CTNND2: variants seen among roughly 807,000 people sequenced by gnomAD.
CTNND2 encodes the protein catenin delta-2.
CTNND2 carries 22 observed loss-of-function variants against 144.4 expected under a neutral mutation model. The observed-to-expected ratio is 0.15, with a 90% CI of 0.11 to 0.22. The LOEUF is 0.22. Ranked by LOEUF, CTNND2 falls within the 10% of genes least tolerant of loss-of-function variation. The pLI is 1.00. For missense variants in CTNND2, 1,353 were observed against 1,618.8 expected (o/e 0.84, Z 2.82); for synonymous variants, 751 against 695.6 (o/e 1.08, Z -1.25).
chr5:11,385,068 C>T lies in CTNND2; in HGVS notation c.774G>A (p.Thr258=), dbSNP rs1758920290. Residue 258 remains threonine, a synonymous_variant, in exon 7 of 22, where the codon ACG becomes ACA. Coordinates refer to ENST00000304623, the MANE Select transcript of CTNND2 (RefSeq NM_001332.4). ...AGCCCCCGCGCGGCGGCGCGGGCAG[C>T]GTGGAGCTGGAGTAGTAGAGCGCGG... is the stretch of plus-strand genomic sequence containing the variant. ...AAAALYYSSS[T]LPAPPRGGSP... is the part of the protein sequence containing the mutation. The T allele has an allele frequency of 9.2e-7, 1 of 1,086,756 alleles. No individual in the cohort carries two copies. Among genetic ancestry groups the T allele is most frequent in the East Asian group, 6.7e-5 (1 of 14,850 alleles). 67.3% of individuals were successfully genotyped at this position (1,086,756 alleles called of 1,614,324 possible). A position where few individuals can be genotyped will look rare whatever the true frequency, so the allele number is the denominator to read the frequency against.
intron 15 of CTNND2, among the ~76,000 whole-genome samples, chr5:11,087,857 G>A (rs1472510297): frequency 6.6e-6 from 1 of 152,146 alleles, no homozygotes; most frequent in African/African-American, 2.4e-5. Flanking sequence ...AAATATTAAT[G>A]TACAGGCAAG....
At chr5:11,104,495 A>C (rs2149675407) in intron 14 of CTNND2, among the ~76,000 whole-genome samples, 1 of 152,290 alleles carries the variant, frequency 6.6e-6, no homozygotes, top group Middle Eastern at 3.4e-3. Context: ...CTTGCTTTGA[A>C]CAGCAGAGTT....
chr5:11,670,208 A>C (rs1389501088), intron 2 of CTNND2, among the ~76,000 whole-genome samples: 3 of 152,304 alleles, frequency 2.0e-5, no homozygotes, highest in East Asian at 3.9e-4. Flanking sequence ...TGTGGTGCTG[A>C]GAACAATGTA....
chr5:11,168,927 G>C (rs1026854187), intron 11 of CTNND2, among the ~76,000 whole-genome samples: 8 of 152,064 alleles, frequency 5.3e-5, no homozygotes, highest in African/African-American at 1.9e-4. Context: ...TTTTGGCCCT[G>C]GGTTAAACGA....
intron 3 of CTNND2, among the ~76,000 whole-genome samples, chr5:11,497,870 T>C (rs1319221797): frequency 6.6e-6 from 1 of 152,164 alleles, no homozygotes; most frequent in Admixed American, 6.5e-5. Context: ...CCACTGACTA[T>C]GGACTTTGCC....
At chr5:11,407,171 T>C (rs949322387) in intron 5 of CTNND2, among the ~76,000 whole-genome samples, 5 of 152,228 alleles carry the variant, frequency 3.3e-5, no homozygotes, top group Non-Finnish European at 7.3e-5. Flanking sequence ...TTATTCATTA[T>C]GTAGAAAGCT....
chr5:11,836,526 G>T (rs528038040), intron 1 of CTNND2, among the ~76,000 whole-genome samples: 92 of 147,270 alleles, frequency 6.2e-4, no homozygotes, highest in African/African-American at 2.3e-3. Context: ...ACTAAAAGGA[G>T]CCAAACTACC....
intron 11 of CTNND2, among the ~76,000 whole-genome samples, chr5:11,166,632 C>T (rs1237541557): frequency 6.6e-6 from 1 of 152,012 alleles, no homozygotes; most frequent in African/African-American, 2.4e-5. Context: ...GGGGCTGTCA[C>T]CACTACCTCC....
At chr5:11,129,364 A>T (rs1206371790) in intron 12 of CTNND2, among the ~76,000 whole-genome samples, 1 of 130,722 alleles carries the variant, frequency 7.6e-6, no homozygotes, top group Non-Finnish European at 1.6e-5. Flanking sequence ...GAGCATGTGG[A>T]AGGGCGTGAG....
intron 12 of CTNND2, among the ~76,000 whole-genome samples, chr5:11,130,260 C>CA (rs1348532731): frequency 7.6e-6 from 1 of 132,038 alleles, no homozygotes; most frequent in African/African-American, 2.9e-5. Flanking sequence ...TCATACCACA[C>CA]CCCCCCCATC....
chr5:11,584,247 G>A (rs1778654744), intron 2 of CTNND2, among the ~76,000 whole-genome samples: 1 of 152,114 alleles, frequency 6.6e-6, no homozygotes, highest in South Asian at 2.1e-4. Flanking sequence ...CTTCAGAGTT[G>A]CTCTCCTTGT....
chr5:11,572,942 G>T (rs889468414), intron 2 of CTNND2, among the ~76,000 whole-genome samples: 1 of 152,154 alleles, frequency 6.6e-6, no homozygotes, highest in African/African-American at 2.4e-5. Context: ...TATTTAATTA[G>T]AAAGCAGATT....
At chr5:11,584,256 G>T (rs550746392) in intron 2 of CTNND2, among the ~76,000 whole-genome samples, 27 of 152,154 alleles carry the variant, frequency 1.8e-4, no homozygotes, top group Non-Finnish European at 3.2e-4. Context: ...TGCTCTCCTT[G>T]TAGGAACACG....
intron 10 of CTNND2, among the ~76,000 whole-genome samples, chr5:11,213,313 G>C (rs1352551890): frequency 3.3e-5 from 5 of 152,188 alleles, no homozygotes; most frequent in African/African-American, 1.2e-4. Context: ...ACCACTCAGA[G>C]CTCCCCGGAG....
chr5:11,166,996 T>A (rs1759402949), intron 11 of CTNND2, among the ~76,000 whole-genome samples: 1 of 152,148 alleles, frequency 6.6e-6, no homozygotes, highest in Non-Finnish European at 1.5e-5. Context: ...CTTGTAGGAG[T>A]CCCAGGGGTT....
chr5:11,050,462 C>G (rs900322539), intron 16 of CTNND2, among the ~76,000 whole-genome samples: 2 of 152,116 alleles, frequency 1.3e-5, no homozygotes, highest in Non-Finnish European at 2.9e-5. Context: ...CTCAAAATTA[C>G]CTGGCTATAT....
intron 12 of CTNND2, among the ~76,000 whole-genome samples, chr5:11,133,953 G>A (rs1366233437): frequency 4.6e-5 from 7 of 152,080 alleles, no homozygotes; most frequent in Admixed American, 1.3e-4. Context: ...CCCTTTGGTC[G>A]CTCAACCAAA....
intron 16 of CTNND2, among the ~76,000 whole-genome samples, chr5:11,055,723 G>A (rs966376261): frequency 2.6e-5 from 4 of 152,204 alleles, no homozygotes; most frequent in Non-Finnish European, 5.9e-5. Flanking sequence ...AGTAGCCAGT[G>A]CTGTGGAGGT....
At chr5:11,280,261 A>C (rs1746981398) in intron 9 of CTNND2, among the ~76,000 whole-genome samples, 1 of 152,346 alleles carries the variant, frequency 6.6e-6, no homozygotes, top group African/African-American at 2.4e-5. Flanking sequence ...CAACCTACTA[A>C]AAGAAGATCA....
Sources: allele counts gnomAD v4.1 joint callset (sites outside exome capture counted in the v4.1 genomes callset), GRCh38; gene constraint gnomAD v4.1.1; transcripts MANE v1.5; gene names NCBI Gene and HGNC (gene_info 2026-07-23, HGNC 2026-07-21).